Variants in GAS7 observed in about 807,000 individuals in gnomAD.
GAS7 encodes growth arrest specific 7.
GAS7 carries 28 observed loss-of-function variants against 71.1 expected under a neutral mutation model. The ratio of observed to expected loss-of-function variants is 0.39; its 90% CI spans 0.29 to 0.54. GAS7 has a LOEUF of 0.54. GAS7 is among the 20% of genes least tolerant of loss of function. GAS7 has a pLI of 0.62. For missense variants in GAS7, 436 were observed against 627.8 expected, an observed-to-expected ratio of 0.69 and a Z score of 3.27; for synonymous variants, 258 against 245.8, an observed-to-expected ratio of 1.05 and a Z score of -0.46.
At chr17:10,175,031 G>T (rs2074362937) in intron 1 of GAS7, among the ~76,000 whole-genome samples, 1 of 151,992 alleles carries the variant, frequency 6.6e-6, no homozygotes, top group Non-Finnish European at 1.5e-5. Context: ...TTTCTATAGA[G>T]ATGGGGGTCT....
chr17:9,917,438 G>C (rs1415777639), intron 13 of GAS7, 97 bp from the exon 14 acceptor site: 1 of 864,362 alleles, frequency 1.2e-6, no homozygotes, highest in Non-Finnish European at 1.9e-6. Flanking sequence ...GTGTCTCTGA[G>C]AGCAGCCTCT....
intron 1 of GAS7, among the ~76,000 whole-genome samples, chr17:10,096,700 G>A (rs2073644739): frequency 6.6e-6 from 1 of 152,236 alleles, no homozygotes; most frequent in Non-Finnish European, 1.5e-5. Flanking sequence ...TTATGGAAAA[G>A]GAGCTGTCTT....
chr17:10,145,163 G>A (rs2074112190), intron 1 of GAS7, among the ~76,000 whole-genome samples: 1 of 152,254 alleles, frequency 6.6e-6, no homozygotes, highest in Admixed American at 6.5e-5. Context: ...GGCTGCAGAC[G>A]CCCTGGTGTC....
chr17:10,098,422 C>T (rs1199528635), intron 1 of GAS7, among the ~76,000 whole-genome samples: 1 of 152,212 alleles, frequency 6.6e-6, no homozygotes, highest in African/African-American at 2.4e-5. Context: ...CTCCATCCAC[C>T]ACAAAATGAA....
Position 9,913,322 on chromosome 17 carries a change from C to G in GAS7, c.*3906G>C. Reference sequence around the variant, plus strand: ...TTAGAAGTGCTCTCTCCGACCTACACAAGGAATGCATCTTGAGCCTTCTGT... The same window carrying G: ...TTAGAAGTGCTCTCTCCGACCTACAGAAGGAATGCATCTTGAGCCTTCTGT... On this transcript the variant is annotated 3_prime_UTR_variant, in exon 14 of 14. Transcript: ENST00000432992. 2 of 232,644 alleles carry G rather than the reference C, an allele frequency of 8.6e-6. No individual in the cohort carries two copies. Among genetic ancestry groups the G allele is most frequent in the Non-Finnish European group, 1.7e-5 (2 of 117,420 alleles). The allele number at this position is 232,644 out of a possible 1,614,324, so 14.4% of individuals were successfully genotyped here.
Position 10,082,147 on chromosome 17 carries a change from C to T in GAS7, c.184-62250G>A, listed in dbSNP as rs1040159464. On this transcript the variant is annotated intron_variant, in intron 1 of 13. Transcript: ENST00000432992. ...ACCAAGGTATAAATATCGTATGGCACATCTCATGTAAGTTTCAAAACAAGA... is the reference window on the plus strand; with the variant it reads ...ACCAAGGTATAAATATCGTATGGCATATCTCATGTAAGTTTCAAAACAAGA... Among the ~76,000 whole-genome samples, 9 of 152,166 alleles carry T rather than the reference C, an allele frequency of 5.9e-5. 1 individual carries two copies. Among genetic ancestry groups the T allele is most frequent in the Admixed American group, 5.2e-4 (8 of 15,274 alleles).
Position 10,026,395 on chromosome 17 carries a change from G to T in GAS7, c.184-6498C>A. The stretch of plus-strand genomic sequence containing the variant: ...TGTCAGCCTAACGAGCCACTTTCTG[G>T]CAGACCCGTTGCTATGGCAATGCTT... On this transcript the variant is annotated intron_variant, in intron 1 of 13. Transcript: ENST00000432992. The surrounding 1 kb of genome is among the most constrained non-coding windows in gnomAD (Gnocchi z 4.5). 1.7e-6 allele frequency: 1 copy of T among 586,426 alleles called. No homozygotes were observed. Among genetic ancestry groups the T allele is most frequent in the Non-Finnish European group, 2.2e-6 (1 of 464,744 alleles). 36.3% of individuals were successfully genotyped at this position (586,426 alleles called of 1,614,324 possible).
At chr17:10,137,874 G>A (rs2074050945) in intron 1 of GAS7, among the ~76,000 whole-genome samples, 1 of 151,846 alleles carries the variant, frequency 6.6e-6, no homozygotes, top group Non-Finnish European at 1.5e-5. Flanking sequence ...TTTGTTGGAA[G>A]AAGGGAGGGA....
At chr17:10,107,851 C>T (rs528471019) in intron 1 of GAS7, among the ~76,000 whole-genome samples, 8 of 151,120 alleles carry the variant, frequency 5.3e-5, no homozygotes, top group Non-Finnish European at 1.2e-4. Context: ...GTAGGAGAAC[C>T]ACCTTACACA....
intron 10 of GAS7, 73 bp from the exon 11 acceptor site, chr17:9,925,672 G>C: frequency 6.4e-7 from 1 of 1,559,982 alleles, no homozygotes; most frequent in Non-Finnish European, 8.8e-7. Flanking sequence ...ACGCAGCCCA[G>C]CTTCCCTTTG....
chr17:10,061,335 C>G (rs1001183196), intron 1 of GAS7: 1 of 152,228 alleles, frequency 6.6e-6, no homozygotes, highest in African/African-American at 2.4e-5. Flanking sequence ...GCAAAATAAA[C>G]AGAATTACAG....
chr17:10,007,625 C>CAAAAA (rs201254619), intron 2 of GAS7, among the ~76,000 whole-genome samples: 391 of 45,630 alleles, frequency 8.6e-3, no homozygotes, highest in Middle Eastern at 0.016. Context: ...GATTCTGTCT[C>CAAAAA]AAAAAAAAAA....
chr17:10,067,840 C>A (rs145897353), intron 1 of GAS7, among the ~76,000 whole-genome samples: 42 of 152,224 alleles, frequency 2.8e-4, no homozygotes, highest in African/African-American at 9.9e-4. Context: ...AGGCTCAGAC[C>A]GGGAGAAATA....
At chr17:10,083,788 T>C (rs369280657) in intron 1 of GAS7, among the ~76,000 whole-genome samples, 1 of 152,100 alleles carries the variant, frequency 6.6e-6, no homozygotes, top group African/African-American at 2.4e-5. Flanking sequence ...TTTGTGAGTA[T>C]GCAAAAAAGG....
At chr17:9,985,218 A>G (rs1166071484) in intron 2 of GAS7, among the ~76,000 whole-genome samples, 1 of 151,874 alleles carries the variant, frequency 6.6e-6, no homozygotes, top group Non-Finnish European at 1.5e-5. Context: ...CAGCTAGTGG[A>G]CCACTCACCC....
At chr17:10,124,727 G>C (rs777402694) in intron 1 of GAS7, among the ~76,000 whole-genome samples, 1 of 152,124 alleles carries the variant, frequency 6.6e-6, no homozygotes, top group Admixed American at 6.6e-5. Context: ...AGACCAGCCT[G>C]GCCAACATGG....
rs781768054 is a variant in GAS7 at position 9,918,104 on chromosome 17, C to T, written c.1219-5G>A. 8 of 1,610,422 alleles carry T rather than the reference C, an allele frequency of 5.0e-6. No individual in the cohort carries two copies. Among genetic ancestry groups the T allele is most frequent in the African/African-American group, 1.3e-5 (1 of 74,844 alleles). On this transcript the variant is annotated splice_polypyrimidine_tract_variant and splice_region_variant and intron_variant, in intron 12 of 13. Coordinates refer to ENST00000432992, the MANE Select transcript of GAS7 (RefSeq NM_201433.2). ...CACCTCCAGCCGCTCTAGCTCCTGC[C>T]GAGAAAGCAAAGGCCAGAGAACTCT...
At chr17:10,053,566 C>A (rs1210996873) in intron 1 of GAS7, among the ~76,000 whole-genome samples, 1 of 152,130 alleles carries the variant, frequency 6.6e-6, no homozygotes, top group Non-Finnish European at 1.5e-5. Flanking sequence ...GAAGGGAGCC[C>A]AGGAACCATC....
chr17:9,973,932 G>A (rs762191946), intron 3 of GAS7, among the ~76,000 whole-genome samples: 1 of 152,080 alleles, frequency 6.6e-6, no homozygotes, highest in Non-Finnish European at 1.5e-5. Flanking sequence ...ATAATGCTGA[G>A]TCCCCATGAA....
Sources: allele counts gnomAD v4.1 joint callset (sites outside exome capture counted in the v4.1 genomes callset), GRCh38; gene constraint gnomAD v4.1.1; non-coding constraint Gnocchi (gnomAD v3.1); transcripts MANE v1.5; gene names NCBI Gene and HGNC (gene_info 2026-07-23, HGNC 2026-07-21).